Variants in KIF4A observed in about 807,000 individuals in gnomAD.
The protein encoded by KIF4A is chromosome-associated kinesin KIF4A.
A neutral mutation model predicts 105.9 loss-of-function variants in KIF4A; 7 were observed. The ratio of observed to expected loss-of-function variants is 0.07; its 90% CI spans 0.04 to 0.12. KIF4A has a LOEUF of 0.12. Among genes scored for constraint, KIF4A ranks in the 10% least tolerant of loss-of-function variants. The pLI is 1.00. For missense variants in KIF4A, 558 were observed against 929.2 expected (o/e 0.60, Z 5.19); for synonymous variants, 281 against 331.3 (o/e 0.85, Z 1.65).
chrX:70,373,553 T>TATATACAC (rs1325378345), intron 15 of KIF4A, among the ~76,000 whole-genome samples: 1 of 42,509 alleles, frequency 2.4e-5, no homozygotes, highest in African/African-American at 1.2e-4. Flanking sequence ...TATATATATA[T>TATATACAC]ATACGTATAT....
intron 7 of KIF4A, among the ~76,000 whole-genome samples, chrX:70,310,766 A>G (rs2147665341): frequency 9.0e-6 from 1 of 111,199 alleles, no homozygotes; most frequent in East Asian, 2.8e-4. Context: ...TTATCTCTGA[A>G]GGTTTCTTGA....
chrX:70,308,988 C>T (rs973632094), intron 7 of KIF4A, among the ~76,000 whole-genome samples: 1 of 112,247 alleles, frequency 8.9e-6, no homozygotes, highest in African/African-American at 3.2e-5. Context: ...GGTATACAGT[C>T]TACCTTGTTT....
intron 13 of KIF4A, 113 bp downstream of exon 13, chrX:70,344,095 G>T: frequency 3.8e-6 from 2 of 529,157 alleles, no homozygotes; most frequent in Non-Finnish European, 6.4e-6. Flanking sequence ...ATTGTGAGCC[G>T]CTTTTGGACA....
At chrX:70,380,031 G>A (rs1284886276) in intron 18 of KIF4A, among the ~76,000 whole-genome samples, 1 of 111,618 alleles carries the variant, frequency 9.0e-6, no homozygotes, top group African/African-American at 3.3e-5. Context: ...GGCTGGGCGT[G>A]GTGACTCACA....
intron 28 of KIF4A, among the ~76,000 whole-genome samples, chrX:70,408,846 G>A (rs777342701): frequency 2.7e-5 from 3 of 111,932 alleles, no homozygotes; most frequent in Non-Finnish European, 5.6e-5. Flanking sequence ...GAGATGGACC[G>A]GGGAGTTTTT....
chrX:70,405,847 T>G lies in KIF4A; in HGVS notation c.2918T>G (p.Met973Arg). 8.3e-7 allele frequency: 1 copy of G among 1,207,904 alleles called. No individual in the cohort carries two copies. Among genetic ancestry groups the G allele is most frequent in the Non-Finnish European group, 1.1e-6 (1 of 892,414 alleles). The change falls in exon 26 of 31, where the codon ATG becomes AGG. Residue 973 changes from methionine to arginine, a missense_variant. Physicochemically the swap from Met to Arg is moderately conservative, Grantham distance 91. Around this residue, in one of 2 missense-constraint regions of KIF4A, gnomAD observed 469 missense variants for 680.4 expected, o/e 0.69. Coordinates refer to ENST00000374403, the MANE Select transcript of KIF4A (RefSeq NM_012310.5). ...LKCQDEELEK[M>R]REVCEQNQQL... The stretch of plus-strand genomic sequence containing the variant: ...AAATAGGATGAAGAACTTGAGAAAA[T>G]GCGAGAAGTGTGTGAGCAAAATCAG...
chrX:70,363,199 A>G (rs1257961751), intron 15 of KIF4A, among the ~76,000 whole-genome samples: 1 of 110,983 alleles, frequency 9.0e-6, no homozygotes, highest in African/African-American at 3.3e-5. Context: ...TGGTAAGACA[A>G]TTAGGGACTA....
intron 20 of KIF4A, 26 bp from the exon 21 acceptor site, chrX:70,395,645 A>ACGT: frequency 1.7e-6 from 2 of 1,210,520 alleles, no homozygotes; most frequent in East Asian, 3.0e-5. Flanking sequence ...CATCCCTAAC[A>ACGT]CAGACATCAC....
At chrX:70,407,986 G>A (rs1029815198) in intron 28 of KIF4A, among the ~76,000 whole-genome samples, 1 of 109,996 alleles carries the variant, frequency 9.1e-6, no homozygotes, top group Non-Finnish European at 1.9e-5. Context: ...AGAATCGCTT[G>A]AACCTGGGAG....
intron 3 of KIF4A, among the ~76,000 whole-genome samples, chrX:70,295,634 A>G (rs1602736667): frequency 9.1e-6 from 1 of 110,082 alleles, no homozygotes; most frequent in Admixed American, 9.6e-5. Context: ...TTACCATCCT[A>G]TGGCTTGGTG....
intron 15 of KIF4A, among the ~76,000 whole-genome samples, chrX:70,369,562 C>T (rs1196319972): frequency 9.0e-6 from 1 of 111,537 alleles, no homozygotes; most frequent in African/African-American, 3.3e-5. Flanking sequence ...AAATGTATAT[C>T]CTCATGACTC....
Position 70,376,138 on chromosome X carries a change from G to A in KIF4A, c.1962G>A (p.Met654Ile). The change falls in exon 18 of 31, where the codon ATG becomes ATA. Residue 654 changes from methionine to isoleucine, a missense_variant. Met to Ile is a conservative substitution (Grantham distance 10, BLOSUM62 1). Transcript: ENST00000374403. ...KNQRVQLMRQ[M>I]KEDAEKFRQW... is the part of the protein sequence containing the mutation. ...AGCGGGTACAGTTAATGCGTCAAATGAAAGAAGATGCTGAGAAGTTTAGAC... is the reference window on the plus strand; with the variant it reads ...AGCGGGTACAGTTAATGCGTCAAATAAAAGAAGATGCTGAGAAGTTTAGAC... 1 of 1,208,272 alleles carries A rather than the reference G, an allele frequency of 8.3e-7. No homozygotes were observed.
At chrX:70,320,927 A>G (rs2085887597) in intron 7 of KIF4A, among the ~76,000 whole-genome samples, 1 of 112,135 alleles carries the variant, frequency 8.9e-6, no homozygotes, top group Non-Finnish European at 1.9e-5. Context: ...ATGTAACAAA[A>G]TATCACCTAT....
chrX:70,349,694 T>G (rs1456334300), intron 13 of KIF4A, among the ~76,000 whole-genome samples: 1 of 50,527 alleles, frequency 2.0e-5, no homozygotes, highest in Non-Finnish European at 3.5e-5. Flanking sequence ...CTAGTCGGGG[T>G]GGCGGCCGGG....
At chrX:70,319,173 G>A (rs755189427) in intron 7 of KIF4A, among the ~76,000 whole-genome samples, 4 of 111,368 alleles carry the variant, frequency 3.6e-5, no homozygotes, top group South Asian at 7.7e-4. Flanking sequence ...TGAGGCAGGA[G>A]AATCACTTGA....
chrX:70,346,556 G>A (rs984449870), intron 13 of KIF4A, among the ~76,000 whole-genome samples: 1 of 111,981 alleles, frequency 8.9e-6, no homozygotes, highest in Non-Finnish European at 1.9e-5. Flanking sequence ...TGCCTGGTGT[G>A]CCTGTAGAGG....
At chrX:70,415,333 G>A (rs770425033) in intron 28 of KIF4A, 1 of 277,521 alleles carries the variant, frequency 3.6e-6, no homozygotes. Flanking sequence ...TGTGTGGCTA[G>A]GTGCTGTTGC....
intron 3 of KIF4A, among the ~76,000 whole-genome samples, chrX:70,291,761 T>G (rs181280090): frequency 0.018 from 1,970 of 111,996 alleles, 26 homozygotes; most frequent in South Asian, 0.048. Context: ...TTAGGTGAAC[T>G]GCCAGTGTCT....
At chrX:70,333,022 A>G (rs756237685) in intron 9 of KIF4A, among the ~76,000 whole-genome samples, 1 of 111,413 alleles carries the variant, frequency 9.0e-6, no homozygotes, top group Non-Finnish European at 1.9e-5. Context: ...TGTCTAGCCC[A>G]GTGCTGAGAC....
Sources: gnomAD v4.1 joint callset for allele counts (sites outside exome capture counted in the v4.1 genomes callset) on GRCh38, gnomAD v4.1.1 for gene constraint, gnomAD v4.1.1 regional missense constraint, MANE v1.5 for transcripts, NCBI Gene and HGNC (gene_info 2026-07-23, HGNC 2026-07-21) for gene names.